NKAIN3: variants seen among roughly 807,000 people sequenced by gnomAD.
NKAIN3 encodes the protein sodium/potassium transporting ATPase interacting 3, also known as sodium/potassium-transporting ATPase subunit beta-1-interacting protein 3.
A neutral mutation model predicts 30.2 loss-of-function variants in NKAIN3; 25 were observed. The ratio of observed to expected loss-of-function variants is 0.83; its 90% CI spans 0.60 to 1.16. The LOEUF is 1.16. NKAIN3 is among the 50% of genes most tolerant of loss of function. The pLI is 0.00. For missense variants in NKAIN3, 225 were observed against 254.1 expected, an observed-to-expected ratio of 0.89 and a Z score of 0.78; for synonymous variants, 91 against 89.6, an observed-to-expected ratio of 1.02 and a Z score of -0.09.
intron 4 of NKAIN3, among the ~76,000 whole-genome samples, chr8:62,810,640 T>TG (rs1370680884): frequency 1.4e-5 from 2 of 141,504 alleles, no homozygotes; most frequent in African/African-American, 3.0e-5. Context: ...GGTAGAAAGT[T>TG]TTTTTTTTTT....
At chr8:62,542,630 A>G (rs1042584355) in intron 1 of NKAIN3, among the ~76,000 whole-genome samples, 8 of 151,544 alleles carry the variant, frequency 5.3e-5, no homozygotes, top group Admixed American at 1.3e-4. Flanking sequence ...GGTATTTCAG[A>G]AAAAAAAAGT....
At chr8:62,609,093 C>G (rs1424688206) in intron 3 of NKAIN3, among the ~76,000 whole-genome samples, 1 of 152,144 alleles carries the variant, frequency 6.6e-6, no homozygotes, top group African/African-American at 2.4e-5. Context: ...TCTTGCTGCT[C>G]AGGTCAGGCT....
intron 1 of NKAIN3, among the ~76,000 whole-genome samples, chr8:62,321,371 G>T (rs1159052273): frequency 6.6e-6 from 1 of 152,190 alleles, no homozygotes; most frequent in African/African-American, 2.4e-5. Context: ...CATTGCTGGT[G>T]AGGAGCTGCG....
At chr8:62,456,388 G>A (rs1038139703) in intron 1 of NKAIN3, among the ~76,000 whole-genome samples, 10 of 151,970 alleles carry the variant, frequency 6.6e-5, no homozygotes, top group Admixed American at 6.6e-5. Context: ...GCGTGGTGGC[G>A]GGCGCCTGTA....
chr8:62,916,533 G>A (rs1822110313), intron 4 of NKAIN3, among the ~76,000 whole-genome samples: 1 of 152,130 alleles, frequency 6.6e-6, no homozygotes, highest in African/African-American at 2.4e-5. Flanking sequence ...GTCCCTTCAA[G>A]TACACATTAC....
intron 1 of NKAIN3, among the ~76,000 whole-genome samples, chr8:62,490,207 A>G (rs1030215049): frequency 6.6e-6 from 1 of 152,070 alleles, no homozygotes; most frequent in African/African-American, 2.4e-5. Context: ...AGTTGACTTT[A>G]ATGTGGCCAA....
chr8:62,525,521 T>A (rs1156814452), intron 1 of NKAIN3, among the ~76,000 whole-genome samples: 1 of 152,122 alleles, frequency 6.6e-6, no homozygotes, highest in Non-Finnish European at 1.5e-5. Flanking sequence ...CCTGTGTTAG[T>A]TTGCTAAGGA....
intron 1 of NKAIN3, among the ~76,000 whole-genome samples, chr8:62,558,431 C>G (rs1410629065): frequency 6.6e-6 from 1 of 151,994 alleles, no homozygotes; most frequent in Non-Finnish European, 1.5e-5. Flanking sequence ...ATTTCTTTTT[C>G]TAGTTATGTG....
At chr8:62,553,586 G>A (rs964055557) in intron 1 of NKAIN3, among the ~76,000 whole-genome samples, 1 of 151,146 alleles carries the variant, frequency 6.6e-6, no homozygotes, top group African/African-American at 2.4e-5. Flanking sequence ...ACTCAGGCTG[G>A]AGTACAGTGG....
At chr8:62,626,634 G>T (rs527640056) in intron 3 of NKAIN3, among the ~76,000 whole-genome samples, 52 of 152,158 alleles carry the variant, frequency 3.4e-4, no homozygotes, top group African/African-American at 1.2e-3. Context: ...TAACTCTCAG[G>T]CAAGTTACTT....
chr8:62,488,747 A>G (rs1226336356), intron 1 of NKAIN3, among the ~76,000 whole-genome samples: 1 of 152,168 alleles, frequency 6.6e-6, no homozygotes, highest in African/African-American at 2.4e-5. Flanking sequence ...AAAATAAACC[A>G]TATTTTATTG....
At chr8:62,379,425 G>T (rs528791777) in intron 1 of NKAIN3, among the ~76,000 whole-genome samples, 15 of 152,244 alleles carry the variant, frequency 9.9e-5, no homozygotes, top group Non-Finnish European at 1.8e-4. Flanking sequence ...GGAGCCAGGG[G>T]TGGAATGATA....
intron 1 of NKAIN3, among the ~76,000 whole-genome samples, chr8:62,374,391 A>G (rs777166766): frequency 6.6e-6 from 1 of 152,184 alleles, no homozygotes; most frequent in Non-Finnish European, 1.5e-5. Flanking sequence ...GTTAGCATAA[A>G]TTGGCAAATG....
chr8:62,770,578 A>G (rs1056222425), intron 4 of NKAIN3, among the ~76,000 whole-genome samples: 2 of 152,110 alleles, frequency 1.3e-5, no homozygotes, highest in Non-Finnish European at 2.9e-5. Context: ...GAGGGTACTA[A>G]TAACATTTAT....
intron 4 of NKAIN3, among the ~76,000 whole-genome samples, chr8:62,865,072 GA>G (rs1001302284): frequency 6.6e-6 from 1 of 152,026 alleles, no homozygotes; most frequent in Non-Finnish European, 1.5e-5. Flanking sequence ...TTTTCTTCTG[GA>G]AAAAAATACG....
intron 4 of NKAIN3, among the ~76,000 whole-genome samples, chr8:62,773,459 G>A (rs150827843): frequency 3.3e-5 from 5 of 152,176 alleles, no homozygotes; most frequent in Non-Finnish European, 5.9e-5. Context: ...GGTTACTGTA[G>A]CTCTGCAGCA....
intron 4 of NKAIN3, among the ~76,000 whole-genome samples, chr8:62,803,735 G>C (rs1389830520): frequency 2.0e-5 from 3 of 152,124 alleles, no homozygotes; most frequent in East Asian, 3.9e-4. Context: ...ACATTCAAAA[G>C]CTAGCAGAAG....
intron 1 of NKAIN3, among the ~76,000 whole-genome samples, chr8:62,570,989 C>A (rs1809917574): frequency 6.6e-6 from 1 of 151,978 alleles, no homozygotes; most frequent in African/African-American, 2.4e-5. Flanking sequence ...TAGTCTCTAG[C>A]CTACGAATTC....
At chr8:62,350,989 C>T (rs13282612) in intron 1 of NKAIN3, among the ~76,000 whole-genome samples, 37,995 of 151,130 alleles carry the variant, frequency 0.25, 4,863 homozygotes, top group Middle Eastern at 0.41. Flanking sequence ...CGTGCCCAGC[C>T]GAGTAATGAG....
Sources: allele counts gnomAD v4.1 joint callset (sites outside exome capture counted in the v4.1 genomes callset), GRCh38; gene constraint gnomAD v4.1.1; transcripts MANE v1.5; gene names NCBI Gene and HGNC (gene_info 2026-07-23, HGNC 2026-07-21).